The following LIMS1 variants were observed in gnomAD, a reference collection of about 807,000 sequenced individuals.
LIMS1 encodes the protein LIM zinc finger domain containing 1.
Under a neutral mutation model 44.1 loss-of-function variants are expected in LIMS1, and 18 were observed. The observed-to-expected ratio is 0.41, with a 90% CI of 0.28 to 0.61. The LOEUF (loss-of-function observed/expected upper bound fraction) is 0.61. Among genes scored for constraint, LIMS1 ranks in the 20% least tolerant of loss-of-function variants. LIMS1 has a pLI of 0.32. For missense variants in LIMS1, 201 were observed against 422.0 expected (o/e 0.48, Z 4.59); for synonymous variants, 93 against 149.1 (o/e 0.62, Z 2.74).
At chr2:108,652,519 GT>G (rs1690568007) in intron 1 of LIMS1, among the ~76,000 whole-genome samples, 2 of 152,254 alleles carry the variant, frequency 1.3e-5, no homozygotes, top group African/African-American at 4.8e-5. Flanking sequence ...GTTGCCAGAG[GT>G]TAGGAGTGTT....
intron 1 of LIMS1, among the ~76,000 whole-genome samples, chr2:108,633,354 T>A (rs1689037237): frequency 6.6e-6 from 1 of 152,232 alleles, no homozygotes; most frequent in Admixed American, 6.5e-5. Context: ...TGCTTTTAAA[T>A]AGGCTTAAAT....
intron 1 of LIMS1, among the ~76,000 whole-genome samples, chr2:108,629,539 T>C (rs1688775719): frequency 6.6e-6 from 1 of 152,248 alleles, no homozygotes; most frequent in African/African-American, 2.4e-5. Flanking sequence ...GAGAAGACTT[T>C]CCATTTGAGA....
At chr2:108,578,258 C>T (rs181441649) in intron 1 of LIMS1, among the ~76,000 whole-genome samples, 278 of 152,284 alleles carry the variant, frequency 1.8e-3, no homozygotes, top group Non-Finnish European at 2.3e-3. Flanking sequence ...GCCTGTTAGT[C>T]ACCATTTCTA....
intron 1 of LIMS1, among the ~76,000 whole-genome samples, chr2:108,650,726 A>G (rs1244185182): frequency 1.3e-5 from 2 of 152,120 alleles, no homozygotes; most frequent in Admixed American, 1.3e-4. Context: ...GCACCTGACC[A>G]CCACCTAAAC....
intron 1 of LIMS1, among the ~76,000 whole-genome samples, chr2:108,591,137 A>G (rs1397050044): frequency 6.6e-6 from 1 of 152,138 alleles, no homozygotes; most frequent in Non-Finnish European, 1.5e-5. Flanking sequence ...AATGGATTAG[A>G]AGGACTAAAG....
At chr2:108,622,816 G>C (rs1468004682) in intron 1 of LIMS1, among the ~76,000 whole-genome samples, 2 of 151,920 alleles carry the variant, frequency 1.3e-5, no homozygotes, top group African/African-American at 4.8e-5. Context: ...GGGTTTGGAG[G>C]AATTTCCTTT....
chr2:108,534,315 C>A (rs1684034273), upstream of LIMS1: 1 of 210,046 alleles, frequency 4.8e-6, no homozygotes, highest in Admixed American at 6.0e-5. Context: ...AGTCCGCGCC[C>A]TTCGGCGCCC....
intron 1 of LIMS1, among the ~76,000 whole-genome samples, chr2:108,582,824 A>G (rs189914839): frequency 9.8e-5 from 15 of 152,328 alleles, no homozygotes; most frequent in East Asian, 1.9e-4. Context: ...AACAGTTTCA[A>G]TAAGCACTAA....
chr2:108,629,057 C>T (rs899845983), intron 1 of LIMS1, among the ~76,000 whole-genome samples: 1 of 152,222 alleles, frequency 6.6e-6, no homozygotes, highest in Non-Finnish European at 1.5e-5. Flanking sequence ...TCACCTTTGT[C>T]TATCTATGTT....
At chr2:108,642,343 T>G (rs1293802037) in intron 1 of LIMS1, among the ~76,000 whole-genome samples, 17 of 13,180 alleles carry the variant, frequency 1.3e-3, no homozygotes, top group African/African-American at 4.3e-3. Context: ...GTGTTTTTTG[T>G]TTTTTTTTTT....
chr2:108,610,756 T>C (rs553975875), intron 1 of LIMS1, among the ~76,000 whole-genome samples: 3 of 152,360 alleles, frequency 2.0e-5, no homozygotes, highest in Middle Eastern at 3.4e-3. Flanking sequence ...AAGTCTCTCT[T>C]AATCTGCAGG....
chr2:108,623,915 A>G (rs1478121790), intron 1 of LIMS1, among the ~76,000 whole-genome samples: 12 of 152,282 alleles, frequency 7.9e-5, no homozygotes, highest in Non-Finnish European at 1.3e-4. Flanking sequence ...ACGTGCTTAA[A>G]GAGCACTGTA....
intron 1 of LIMS1, among the ~76,000 whole-genome samples, chr2:108,577,561 C>T (rs1229023181): frequency 6.6e-6 from 1 of 152,166 alleles, no homozygotes; most frequent in African/African-American, 2.4e-5. Flanking sequence ...CTACTTACCC[C>T]TATTTTAATG....
intron 8 of LIMS1, among the ~76,000 whole-genome samples, chr2:108,679,133 A>G (rs1438330306): frequency 2.0e-5 from 3 of 152,144 alleles, no homozygotes; most frequent in Admixed American, 1.3e-4. Flanking sequence ...GACTATTTAC[A>G]TATCATTTAC....
At chr2:108,554,170 C>A (rs1573318160) in intron 1 of LIMS1, among the ~76,000 whole-genome samples, 1 of 152,090 alleles carries the variant, frequency 6.6e-6, no homozygotes, top group Middle Eastern at 3.4e-3. Flanking sequence ...AAGGAAATTG[C>A]CAGGAGAGGA....
At chr2:108,551,749 A>T (rs891288021) in intron 1 of LIMS1, among the ~76,000 whole-genome samples, 1 of 146,540 alleles carries the variant, frequency 6.8e-6, no homozygotes, top group Non-Finnish European at 1.5e-5. Flanking sequence ...TACAATATAC[A>T]TACATACCTA....
chr2:108,599,168 C>T (rs1365915230), intron 1 of LIMS1, among the ~76,000 whole-genome samples: 1 of 152,056 alleles, frequency 6.6e-6, no homozygotes, highest in African/African-American at 2.4e-5. Flanking sequence ...TTAACCATTC[C>T]CTTCCCATTC....
chr2:108,538,039 A>G (rs1436333287), intron 1 of LIMS1, among the ~76,000 whole-genome samples: 1 of 152,258 alleles, frequency 6.6e-6, no homozygotes, highest in Non-Finnish European at 1.5e-5. Flanking sequence ...AAGGAAAAAC[A>G]TCTCAAACCA....
intron 1 of LIMS1, among the ~76,000 whole-genome samples, chr2:108,552,820 C>A (rs1288309885): frequency 1.3e-5 from 2 of 152,006 alleles, no homozygotes; most frequent in Non-Finnish European, 2.9e-5. Flanking sequence ...TCAAGCAATC[C>A]TTTCAGCTTG....
Sources: gnomAD v4.1 joint callset for allele counts (sites outside exome capture counted in the v4.1 genomes callset) on GRCh38, gnomAD v4.1.1 for gene constraint, MANE v1.5 for transcripts, NCBI Gene and HGNC (gene_info 2026-07-23, HGNC 2026-07-21) for gene names.